Variants in SLC4A5 observed in about 807,000 individuals in gnomAD.
SLC4A5 encodes the protein electrogenic sodium bicarbonate cotransporter 4.
SLC4A5 carries 96 observed loss-of-function variants against 120.4 expected under a neutral mutation model. The ratio of observed to expected loss-of-function variants is 0.80; its 90% CI spans 0.68 to 0.94. SLC4A5 has a LOEUF of 0.94. SLC4A5 is among the 40% of genes least tolerant of loss of function. SLC4A5 has a pLI of 0.00. For synonymous variants in SLC4A5, 550 were observed against 571.1 expected, an observed-to-expected ratio of 0.96 and a Z score of 0.53; for missense variants, 1,259 against 1,459.5, an observed-to-expected ratio of 0.86 and a Z score of 2.24.
intron 18 of SLC4A5, among the ~76,000 whole-genome samples, chr2:74,247,963 G>C (rs1400783044): frequency 1.3e-5 from 2 of 152,172 alleles, no homozygotes; most frequent in Non-Finnish European, 2.9e-5. Context: ...AAATGGTCTG[G>C]TCCAAACCCT....
chr2:74,264,489 C>CGTGTGTGTGTGTGTGTGTGTGTGTGT (rs59538523), intron 9 of SLC4A5, among the ~76,000 whole-genome samples, 190 bp from the exon 10 acceptor site: 7 of 143,752 alleles, frequency 4.9e-5, no homozygotes, highest in East Asian at 2.1e-4. Flanking sequence ...TTCAAGGGCA[C>CGTGTGTGTGTGTGTGTGTGTGTGTGT]GTGTGTGTGT....
chr2:74,219,730 T>C (rs1694564472), intron 30 of SLC4A5, among the ~76,000 whole-genome samples: 1 of 152,206 alleles, frequency 6.6e-6, no homozygotes. Flanking sequence ...ATGTAGATTA[T>C]TTTATAAATG....
intron 7 of SLC4A5, among the ~76,000 whole-genome samples, chr2:74,292,613 C>T (rs1443572006): frequency 2.0e-5 from 3 of 152,110 alleles, no homozygotes; most frequent in Admixed American, 2.0e-4. Flanking sequence ...GAAACATAAC[C>T]TCCATGGGGA....
At chr2:74,254,372 C>G (rs1194196738) in intron 14 of SLC4A5, among the ~76,000 whole-genome samples, 1 of 152,198 alleles carries the variant, frequency 6.6e-6, no homozygotes, top group African/African-American at 2.4e-5. Context: ...CTGTGAAGCC[C>G]TCCTTGACCC....
intron 6 of SLC4A5, among the ~76,000 whole-genome samples, chr2:74,310,451 A>T (rs958237031): frequency 7.9e-5 from 12 of 152,224 alleles, no homozygotes; most frequent in African/African-American, 2.6e-4. Flanking sequence ...TAGATTTTTT[A>T]AAAATCAAGT....
At chr2:74,222,168 GT>G (rs748271167) in intron 29 of SLC4A5, among the ~76,000 whole-genome samples, 1 of 152,128 alleles carries the variant, frequency 6.6e-6, no homozygotes, top group East Asian at 1.9e-4. Flanking sequence ...GAAAAGCTTG[GT>G]TCTGAGCCCT....
chr2:74,253,252 C>T (rs1295739343), intron 14 of SLC4A5, 124 bp from the exon 15 acceptor site: 1 of 1,183,262 alleles, frequency 8.5e-7, no homozygotes, highest in Non-Finnish European at 1.2e-6. Context: ...AACTCACTCT[C>T]AGTTTTTGGA....
At chr2:74,315,921 C>T (rs1359823983) in intron 5 of SLC4A5, among the ~76,000 whole-genome samples, 1 of 151,874 alleles carries the variant, frequency 6.6e-6, no homozygotes, top group Non-Finnish European at 1.5e-5. Flanking sequence ...AAAATTCATG[C>T]CAATTAATTT....
intron 17 of SLC4A5, among the ~76,000 whole-genome samples, 164 bp from the exon 18 acceptor site, chr2:74,248,650 C>A (rs1179378788): frequency 1.3e-5 from 2 of 152,236 alleles, no homozygotes; most frequent in Non-Finnish European, 2.9e-5. Flanking sequence ...ACACCCTCCA[C>A]AACTTGCCAC....
intron 7 of SLC4A5, among the ~76,000 whole-genome samples, chr2:74,300,635 C>A (rs940778856): frequency 1.3e-5 from 2 of 152,176 alleles, no homozygotes; most frequent in Non-Finnish European, 2.9e-5. Flanking sequence ...CCACCTAGGC[C>A]TATGTGCTCC....
At chr2:74,218,349 A>C (rs563924104) in exon 31 of SLC4A5, 15 of 152,170 alleles carry the variant, frequency 9.9e-5, no homozygotes, top group African/African-American at 3.6e-4. Flanking sequence ...TGGTTTGGGG[A>C]AACAAGCATT....
At chr2:74,309,929 T>C (rs994628908) in intron 6 of SLC4A5, among the ~76,000 whole-genome samples, 1 of 152,156 alleles carries the variant, frequency 6.6e-6, no homozygotes, top group African/African-American at 2.4e-5. Flanking sequence ...CCCAAAGTGC[T>C]GGGATTACAG....
intron 9 of SLC4A5, 30 bp downstream of exon 9, chr2:74,265,074 G>A (rs540797937): frequency 1.9e-6 from 3 of 1,599,756 alleles, no homozygotes; most frequent in African/African-American, 1.3e-5. Flanking sequence ...GGGACCACAG[G>A]AGAGATGCAC....
At chr2:74,337,306 C>T (rs2104353947) in intron 3 of SLC4A5, among the ~76,000 whole-genome samples, 1 of 152,240 alleles carries the variant, frequency 6.6e-6, no homozygotes, top group Admixed American at 6.5e-5. Flanking sequence ...CCACAATAAC[C>T]TGCAGGCACC....
chr2:74,333,440 T>C (rs1215895861), intron 4 of SLC4A5, among the ~76,000 whole-genome samples: 3 of 151,980 alleles, frequency 2.0e-5, no homozygotes, highest in Admixed American at 2.0e-4. Flanking sequence ...ACCCAAGGAG[T>C]CAACAAACAG....
At position 74,327,807 on chromosome 2, in the gene SLC4A5, CT is replaced by C. The variant is rs201467690; in HGVS notation, c.-3+312del. Among the ~76,000 whole-genome samples, 1,345 of 152,214 alleles carry C rather than the reference CT, an allele frequency of 8.8e-3. 28 individuals carry two copies. Among genetic ancestry groups the C allele is most frequent in the African/African-American group, 0.03 (1,231 of 41,522 alleles). ...CGTACTAGAAGAGAAAGATTCAGTT[CT>C]ATTAGATGAGAACAAGATAGAACTA... On this transcript the variant is annotated intron_variant, in intron 5 of 30. Transcript: ENST00000394019.
At chr2:74,302,565 C>T (rs945587273) in intron 7 of SLC4A5, among the ~76,000 whole-genome samples, 1 of 152,194 alleles carries the variant, frequency 6.6e-6, no homozygotes, top group Non-Finnish European at 1.5e-5. Context: ...TGTAGTGAGC[C>T]GAGATCGCGC....
At chr2:74,296,264 G>A (rs2104222885) in intron 7 of SLC4A5, among the ~76,000 whole-genome samples, 1 of 152,218 alleles carries the variant, frequency 6.6e-6, no homozygotes, top group Admixed American at 6.5e-5. Context: ...AGACTTCCTT[G>A]AGGTAATTTT....
intron 22 of SLC4A5, 92 bp from the exon 23 acceptor site, chr2:74,233,655 C>T: frequency 7.0e-7 from 1 of 1,421,184 alleles, no homozygotes; most frequent in South Asian, 1.4e-5. Context: ...CCTCAACTTT[C>T]CCTGACTTTG....
Sources: gnomAD v4.1 joint callset for allele counts (sites outside exome capture counted in the v4.1 genomes callset) on GRCh38, gnomAD v4.1.1 for gene constraint, MANE v1.5 for transcripts, NCBI Gene and HGNC (gene_info 2026-07-23, HGNC 2026-07-21) for gene names.